The following UBE2E3 variants were observed in gnomAD, a reference collection of about 807,000 sequenced individuals.
UBE2E3 encodes the protein ubiquitin-conjugating enzyme E2 E3.
UBE2E3 carries 5 observed loss-of-function variants against 23.6 expected under a neutral mutation model. The ratio of observed to expected loss-of-function variants is 0.21; its 90% CI spans 0.11 to 0.44. UBE2E3 has a LOEUF of 0.44. Ranked by LOEUF, UBE2E3 falls within the 20% of genes least tolerant of loss-of-function variation. UBE2E3 has a pLI of 0.99. For missense variants in UBE2E3, 81 were observed against 249.8 expected, an observed-to-expected ratio of 0.32 and a Z score of 4.55; for synonymous variants, 78 against 87.5, an observed-to-expected ratio of 0.89 and a Z score of 0.60.
At chr2:180,993,688 G>A (rs1684740657) in intron 3 of UBE2E3, among the ~76,000 whole-genome samples, 3 of 152,076 alleles carry the variant, frequency 2.0e-5, no homozygotes, top group Admixed American at 2.0e-4. Flanking sequence ...CAGTCTTATA[G>A]GTCCTTTACA....
chr2:180,997,673 A>G (rs1396959570), intron 3 of UBE2E3, among the ~76,000 whole-genome samples: 1 of 151,924 alleles, frequency 6.6e-6, no homozygotes, highest in African/African-American at 2.4e-5. Flanking sequence ...CTTTATTTTT[A>G]TCTTATCTTT....
chr2:181,056,321 A>G (rs902617271), intron 3 of UBE2E3, among the ~76,000 whole-genome samples: 8 of 151,650 alleles, frequency 5.3e-5, no homozygotes, highest in African/African-American at 1.7e-4. Context: ...GAATTGGAAA[A>G]TCATGATTTT....
intron 3 of UBE2E3, among the ~76,000 whole-genome samples, chr2:181,008,139 C>T (rs570143507): frequency 1.3e-5 from 2 of 152,170 alleles, no homozygotes; most frequent in Non-Finnish European, 1.5e-5. Flanking sequence ...TATGGGATCT[C>T]TGCGGTATAG....
chr2:181,009,088 A>T (rs1477720875), intron 3 of UBE2E3, among the ~76,000 whole-genome samples: 3 of 152,142 alleles, frequency 2.0e-5, no homozygotes, highest in Non-Finnish European at 1.5e-5. Context: ...AAAGGTAAAG[A>T]AGTAGTTATT....
At chr2:180,996,716 A>G (rs569423864) in intron 3 of UBE2E3, among the ~76,000 whole-genome samples, 1 of 152,294 alleles carries the variant, frequency 6.6e-6, no homozygotes, top group African/African-American at 2.4e-5. Flanking sequence ...CATTGTAGTG[A>G]TAGCAAATCA....
At chr2:181,060,039 T>A (rs975085653) in intron 4 of UBE2E3, among the ~76,000 whole-genome samples, 2 of 151,742 alleles carry the variant, frequency 1.3e-5, no homozygotes, top group African/African-American at 4.8e-5. Context: ...TTAGTTTCCT[T>A]TATCCAGTAG....
intron 3 of UBE2E3, among the ~76,000 whole-genome samples, chr2:181,005,692 T>C (rs1685129216): frequency 6.6e-6 from 1 of 152,220 alleles, no homozygotes; most frequent in African/African-American, 2.4e-5. Flanking sequence ...ATCTATTGAA[T>C]AATTTGTTAC....
chr2:181,050,850 AGTTAT>A (rs948082532), intron 3 of UBE2E3, among the ~76,000 whole-genome samples: 14 of 151,960 alleles, frequency 9.2e-5, no homozygotes, highest in African/African-American at 3.4e-4. Context: ...TTCTTTCTTT[AGTTAT>A]GTTAATAGTA....
At chr2:181,045,986 A>G (rs192817281) in intron 3 of UBE2E3, among the ~76,000 whole-genome samples, 1 of 152,258 alleles carries the variant, frequency 6.6e-6, no homozygotes. Flanking sequence ...GCATTATTTT[A>G]TGTGGATAAT....
chr2:181,062,012 A>G (rs1273480179), intron 5 of UBE2E3, among the ~76,000 whole-genome samples: 1 of 151,722 alleles, frequency 6.6e-6, no homozygotes, highest in Non-Finnish European at 1.5e-5. Flanking sequence ...TCTTCAAGAT[A>G]TATTAAGTAT....
chr2:181,039,623 A>G lies in UBE2E3; in HGVS notation c.246-18070A>G, dbSNP rs369282760. Among the ~76,000 whole-genome samples the G allele has an allele frequency of 3.0e-4, 45 of 150,052 alleles. 1 individual carries two copies. The South Asian group carries it at 9.6e-3, about 32-fold the overall frequency. ...CCCATCTCTACAAAAAAACAAGTGTACAAATGCTAATTTTGGCTATGATAA... is the reference window on the plus strand; with the variant it reads ...CCCATCTCTACAAAAAAACAAGTGTGCAAATGCTAATTTTGGCTATGATAA... On this transcript the variant is annotated intron_variant, in intron 3 of 5. Coordinates refer to ENST00000410062, the MANE Select transcript of UBE2E3 (RefSeq NM_006357.4).
At chr2:181,010,412 T>C (rs1489824365) in intron 3 of UBE2E3, among the ~76,000 whole-genome samples, 2 of 152,128 alleles carry the variant, frequency 1.3e-5, no homozygotes, top group African/African-American at 2.4e-5. Flanking sequence ...GGTGTACAAG[T>C]CGCGCTCTTA....
chr2:181,002,264 T>C (rs1409671812), intron 3 of UBE2E3, among the ~76,000 whole-genome samples: 1 of 152,236 alleles, frequency 6.6e-6, no homozygotes, highest in Non-Finnish European at 1.5e-5. Flanking sequence ...AACAATATAA[T>C]GCCCTTTGAT....
At chr2:181,034,641 C>CG (rs1156565748) in intron 3 of UBE2E3, among the ~76,000 whole-genome samples, 2 of 151,972 alleles carry the variant, frequency 1.3e-5, no homozygotes, top group African/African-American at 4.8e-5. Context: ...CGAACCTGCA[C>CG]GTTGTGCACA....
Position 181,007,196 on chromosome 2 carries a change from T to A in UBE2E3, c.245+23103T>A, listed in dbSNP as rs969450370. 5.3e-5 allele frequency among the ~76,000 whole-genome samples: 8 copies of A among 152,340 alleles called. No individual in the cohort carries two copies. In the East Asian group the frequency reaches 1.5e-3, roughly 29 times the overall value. ...ACAATTTGGATAAATCAGATCTTAA[T>A]GCCCACTGCCCCTTTGAGTAAGCTG... On this transcript the variant is annotated intron_variant, in intron 3 of 5. Transcript: ENST00000410062.
intron 3 of UBE2E3, among the ~76,000 whole-genome samples, chr2:181,049,882 A>T (rs527708503): frequency 6.6e-6 from 1 of 152,032 alleles, no homozygotes; most frequent in Non-Finnish European, 1.5e-5. Flanking sequence ...ACAAAAGACT[A>T]TGAAATACTA....
chr2:180,988,643 C>T (rs1470423310), intron 3 of UBE2E3, among the ~76,000 whole-genome samples: 1 of 152,142 alleles, frequency 6.6e-6, no homozygotes, highest in African/African-American at 2.4e-5. Context: ...AACCCCATAG[C>T]ATTCTTTCCA....
At chr2:181,021,051 C>A (rs952356990) in intron 3 of UBE2E3, among the ~76,000 whole-genome samples, 3 of 152,224 alleles carry the variant, frequency 2.0e-5, no homozygotes, top group Non-Finnish European at 4.4e-5. Flanking sequence ...CATTTCTTAC[C>A]CTACTATATG....
chr2:181,062,772 GTTCT>G lies in UBE2E3; in HGVS notation c.527-14_527-11del. ...AAGATACCACAAAATAGCTTTTAAT[GTTCT>G]TTCTGCTTTTCCAGCGGATCCTCTG... On this transcript the variant is annotated splice_polypyrimidine_tract_variant and intron_variant, in intron 5 of 5. Transcript: ENST00000410062. 1 of 1,531,348 alleles carries G rather than the reference GTTCT, an allele frequency of 6.5e-7. No homozygotes were observed. The highest frequency in any genetic ancestry group is 9.0e-7 in the Non-Finnish European group (1 of 1,111,982). 94.9% of individuals were successfully genotyped at this position (1,531,348 alleles called of 1,614,324 possible). A position where few individuals can be genotyped will look rare whatever the true frequency, so the allele number is the denominator to read the frequency against.
Sources: gnomAD v4.1 joint callset for allele counts (sites outside exome capture counted in the v4.1 genomes callset) on GRCh38, gnomAD v4.1.1 for gene constraint, MANE v1.5 for transcripts, NCBI Gene and HGNC (gene_info 2026-07-23, HGNC 2026-07-21) for gene names.